Variants in RACGAP1 observed in about 807,000 individuals in gnomAD.
RACGAP1 encodes the protein rac GTPase-activating protein 1.
A neutral mutation model predicts 78.1 loss-of-function variants in RACGAP1; 30 were observed. That is an observed-to-expected ratio of 0.38 (90% CI 0.29 to 0.52). The LOEUF (loss-of-function observed/expected upper bound fraction) is 0.52, where lower values mean the gene tolerates loss of function less well. Ranked by LOEUF, RACGAP1 falls within the 20% of genes least tolerant of loss-of-function variation. RACGAP1 has a pLI of 0.82. For synonymous variants in RACGAP1, 231 were observed against 264.8 expected (o/e 0.87, Z 1.24); for missense variants, 587 against 777.1 (o/e 0.76, Z 2.91).
At position 49,999,280 on chromosome 12, in the gene RACGAP1, C is replaced by G. The variant is rs369334350; in HGVS notation, c.749-9G>C. Reference sequence around the variant, plus strand: ...CCAAGGTTGTAAAGTACCTAGAAAACAAGCAACTTTTAAGCTTTGTGTCTT... The same window carrying G: ...CCAAGGTTGTAAAGTACCTAGAAAAGAAGCAACTTTTAAGCTTTGTGTCTT... On this transcript the variant is annotated splice_polypyrimidine_tract_variant and intron_variant, in intron 8 of 16. Coordinates refer to ENST00000312377, the MANE Select transcript of RACGAP1 (RefSeq NM_001319999.2). 61 of 1,591,900 alleles carry G rather than the reference C, an allele frequency of 3.8e-5. No homozygotes were observed. In the East Asian group the frequency reaches 5.4e-4, roughly 14 times the overall value.
intron 2 of RACGAP1, among the ~76,000 whole-genome samples, chr12:50,007,986 G>A (rs564020559): frequency 2.0e-5 from 3 of 148,484 alleles, no homozygotes; most frequent in South Asian, 2.1e-4. Context: ...AATATTTACC[G>A]AACTGAAAAA....
In RACGAP1 at chr12:49,990,264, G is replaced by C. The variant is rs201196659; in HGVS notation, c.*4C>G. On this transcript the variant is annotated 3_prime_UTR_variant, in exon 17 of 17. Transcript: ENST00000312377. Reference sequence around the variant, plus strand: ...ATGCTGGGAAGTAACAGGCAGATGTGACTTCACTTGAGCATTGGAGAAGCA... The same window carrying C: ...ATGCTGGGAAGTAACAGGCAGATGTCACTTCACTTGAGCATTGGAGAAGCA... 6.2e-7 allele frequency: 1 copy of C among 1,610,252 alleles called. No homozygotes were observed. Among genetic ancestry groups the C allele is most frequent in the African/African-American group, 1.3e-5 (1 of 74,950 alleles).
At chr12:50,017,935 TC>T (rs955763633) in intron 1 of RACGAP1, among the ~76,000 whole-genome samples, 4 of 152,144 alleles carry the variant, frequency 2.6e-5, no homozygotes, top group African/African-American at 9.7e-5. Flanking sequence ...GGCGGGCGGA[TC>T]ACTTGAGGTC....
rs1433584268 is a variant in RACGAP1, at chr12:49,989,237, G to A, written c.*1031C>T. Reference sequence around the variant, plus strand: ...GTGTTTTACAGATAAGGGTCAATACGAAGTCAAACATTCTACAGAAGAAAA... The same window carrying A: ...GTGTTTTACAGATAAGGGTCAATACAAAGTCAAACATTCTACAGAAGAAAA... On this transcript the variant is annotated 3_prime_UTR_variant, in exon 17 of 17. Coordinates refer to ENST00000312377, the MANE Select transcript of RACGAP1 (RefSeq NM_001319999.2). 3 of 152,074 alleles carry A rather than the reference G, an allele frequency of 2.0e-5. No individual in the cohort carries two copies. The highest frequency in any genetic ancestry group is 4.4e-5 in the Non-Finnish European group (3 of 68,014). The allele number at this position is 152,074 out of a possible 1,614,324, so 9.4% of individuals were successfully genotyped here.
In RACGAP1 at chr12:50,024,062, G is replaced by A. The variant is rs183671265; in HGVS notation, c.-5+1336C>T. ...TATAGTCCCAGCTACTCGGGAGGCT[G>A]AGGCAGGAGAATGGCGTGAATCCGG... On this transcript the variant is annotated intron_variant, in intron 1 of 16. Coordinates refer to ENST00000312377, the MANE Select transcript of RACGAP1 (RefSeq NM_001319999.2). Among the ~76,000 whole-genome samples the A allele has an allele frequency of 6.1e-4, 93 of 152,238 alleles. 1 individual carries two copies. Among genetic ancestry groups the A allele is most frequent in the Middle Eastern group, 3.4e-3 (1 of 294 alleles).
At chr12:50,016,548 G>C (rs1209712250) in intron 2 of RACGAP1, 83 bp downstream of exon 2, 1 of 1,417,636 alleles carries the variant, frequency 7.1e-7, no homozygotes, top group Admixed American at 1.7e-5. Flanking sequence ...ACAACTTTAA[G>C]ATTGGAAAAT....
chr12:49,999,162 C>A lies in RACGAP1; in HGVS notation c.858G>T (p.Leu286=). The A allele has an allele frequency of 1.9e-6, 3 of 1,596,292 alleles. No homozygotes were observed. The South Asian group carries it at 3.5e-5, about 18-fold the overall frequency. Residue 286 remains leucine (L), a synonymous_variant, in exon 9 of 17, where the codon CTG becomes CTT. Transcript: ENST00000312377. The part of the protein sequence containing the change: ...GTPQSNGGMR[L]HDFVSKTVIK... ...TTACCGTCTTAGAAACAAAGTCATG[C>A]AGGCGCATCCCTCCATTACTCTGTG...
chr12:50,003,855 T>G (rs1948824138), intron 5 of RACGAP1, among the ~76,000 whole-genome samples: 1 of 152,190 alleles, frequency 6.6e-6, no homozygotes, highest in African/African-American at 2.4e-5. Context: ...ACCAAACTAA[T>G]TCAGAAATAA....
chr12:49,991,868 A>G, intron 15 of RACGAP1, 130 bp downstream of exon 15: 2 of 1,523,684 alleles, frequency 1.3e-6, no homozygotes, highest in East Asian at 2.3e-5. Flanking sequence ...AAAAATTACG[A>G]TGGTAGAATT....
chr12:50,014,079 T>G (rs1565693651), intron 2 of RACGAP1, among the ~76,000 whole-genome samples: 1 of 152,218 alleles, frequency 6.6e-6, no homozygotes, highest in East Asian at 1.9e-4. Context: ...ATAAGAGCTA[T>G]TAAAAACATC....
intron 2 of RACGAP1, among the ~76,000 whole-genome samples, chr12:50,015,042 C>CA (rs35573059): frequency 0.8 from 97,120 of 120,822 alleles, 40,216 homozygotes; most frequent in East Asian, 0.92. Flanking sequence ...GATTCTGTCT[C>CA]AAAAAAAAAA....
chr12:50,021,944 C>A (rs1054031987), intron 1 of RACGAP1, among the ~76,000 whole-genome samples: 1 of 152,168 alleles, frequency 6.6e-6, no homozygotes, highest in Non-Finnish European at 1.5e-5. Flanking sequence ...AACTGGCGGA[C>A]AGAAGGATTA....
At chr12:50,005,692 T>C (rs73297456) in intron 3 of RACGAP1, among the ~76,000 whole-genome samples, 1,938 of 152,272 alleles carry the variant, frequency 0.013, 38 homozygotes, top group African/African-American at 0.045. Context: ...AGATTTCACA[T>C]AGCAAAAACA....
intron 16 of RACGAP1, 28 bp downstream of exon 16, chr12:49,990,656 A>T: frequency 6.6e-7 from 1 of 1,522,224 alleles, no homozygotes; most frequent in Non-Finnish European, 9.0e-7. Flanking sequence ...GTTGTTTTTT[A>T]TTTCCTAGGA....
At chr12:50,002,130 G>T in intron 6 of RACGAP1, 117 bp downstream of exon 6, 2 of 630,006 alleles carry the variant, frequency 3.2e-6, no homozygotes, top group Non-Finnish European at 5.6e-6. Flanking sequence ...TTCATCTGTA[G>T]TATGTGCTTA....
chr12:50,028,168 G>A (rs561639018), upstream of RACGAP1, among the ~76,000 whole-genome samples: 2 of 152,302 alleles, frequency 1.3e-5, no homozygotes, highest in South Asian at 2.1e-4. Flanking sequence ...TTAGGCCAGT[G>A]GCAGTGGGAT....
chr12:49,990,041 TA>T lies in RACGAP1; in HGVS notation c.*226del. On this transcript the variant is annotated 3_prime_UTR_variant, in exon 17 of 17. Transcript: ENST00000312377. ...TCTACCCCTGGAAAGATGTCTCATC[TA>T]AAAGCTCCCAACAATGACCAGCACA... is the stretch of plus-strand genomic sequence containing the variant. 2.3e-6 allele frequency: 1 copy of T among 432,906 alleles called. No individual in the cohort carries two copies. Among genetic ancestry groups the T allele is most frequent in the Non-Finnish European group, 4.1e-6 (1 of 241,990 alleles). 26.8% of individuals were successfully genotyped at this position (432,906 alleles called of 1,614,324 possible).
rs1312756602 is a variant in RACGAP1 at position 49,990,127 on chromosome 12, A to G, written c.*141T>C. The stretch of plus-strand genomic sequence containing the variant: ...GGGGAGATATATATAGTTTTAATAA[A>G]ACCCTCATGCACAATTAAACTTGAG... On this transcript the variant is annotated 3_prime_UTR_variant, in exon 17 of 17. Transcript: ENST00000312377. 4.8e-6 allele frequency: 3 copies of G among 619,550 alleles called. No individual in the cohort carries two copies. The highest frequency in any genetic ancestry group is 8.4e-6 in the Non-Finnish European group (3 of 357,106). The allele number at this position is 619,550 out of a possible 1,614,324, so 38.4% of individuals were successfully genotyped here.
intron 1 of RACGAP1, chr12:50,018,510 A>G: frequency 8.6e-6 from 11 of 1,280,764 alleles, no homozygotes; most frequent in South Asian, 1.2e-5. Flanking sequence ...GAAATAGGCA[A>G]CATACCCTAA....
Sources: allele counts gnomAD v4.1 joint callset (sites outside exome capture counted in the v4.1 genomes callset), GRCh38; gene constraint gnomAD v4.1.1; transcripts MANE v1.5; gene names NCBI Gene and HGNC (gene_info 2026-07-23, HGNC 2026-07-21).